The following PXDNL variants were observed in gnomAD, a reference collection of about 807,000 sequenced individuals.
PXDNL encodes probable oxidoreductase PXDNL.
PXDNL carries 145 observed loss-of-function variants against 150.8 expected under a neutral mutation model. The ratio of observed to expected loss-of-function variants is 0.96; its 90% confidence interval spans 0.84 to 1.10. PXDNL has a LOEUF of 1.10. Among genes scored for constraint, PXDNL ranks in the 50% least tolerant of loss-of-function variants. The probability of loss-of-function intolerance (pLI) is 0.00; values close to 1 mark genes in which losing one functional copy is unlikely to be tolerated. For missense variants in PXDNL, 2,087 were observed against 1,873.9 expected (o/e 1.11, Z -2.10); for synonymous variants, 757 against 725.7 (o/e 1.04, Z -0.69).
chr8:51,511,392 C>A (rs1255711998), intron 4 of PXDNL, among the ~76,000 whole-genome samples: 1 of 152,142 alleles, frequency 6.6e-6, no homozygotes, highest in Non-Finnish European at 1.5e-5. Flanking sequence ...ATACAGCATA[C>A]AATAGAGCAA....
intron 1 of PXDNL, among the ~76,000 whole-genome samples, chr8:51,740,920 C>G (rs1238113614): frequency 6.6e-6 from 1 of 152,064 alleles, no homozygotes; most frequent in African/African-American, 2.4e-5. Flanking sequence ...CCTGAAGTTT[C>G]CTTCTTTTGT....
intron 1 of PXDNL, among the ~76,000 whole-genome samples, chr8:51,772,057 C>A (rs2037301836): frequency 6.6e-6 from 1 of 151,998 alleles, no homozygotes; most frequent in South Asian, 2.1e-4. Flanking sequence ...TCCTCCATGC[C>A]CACACCACCC....
At chr8:51,732,176 G>T (rs1187318429) in intron 1 of PXDNL, among the ~76,000 whole-genome samples, 5 of 152,110 alleles carry the variant, frequency 3.3e-5, no homozygotes, top group African/African-American at 9.7e-5. Flanking sequence ...AAAACCAAAT[G>T]CTTTTAACAG....
chr8:51,625,625 A>C (rs1814347087), intron 2 of PXDNL, among the ~76,000 whole-genome samples: 1 of 152,210 alleles, frequency 6.6e-6, no homozygotes, highest in Non-Finnish European at 1.5e-5. Context: ...AAAAGTAAAA[A>C]TTTTGATCAG....
chr8:51,609,673 TGGGAAGA>T (rs1813953173), intron 2 of PXDNL, among the ~76,000 whole-genome samples: 4 of 151,972 alleles, frequency 2.6e-5, no homozygotes, highest in African/African-American at 9.7e-5. Context: ...AAGAATAACA[TGGGAAGA>T]AATGGGAAAT....
At chr8:51,423,509 G>C in intron 14 of PXDNL, 66 bp downstream of exon 14, 1 of 1,384,132 alleles carries the variant, frequency 7.2e-7, no homozygotes, top group Non-Finnish European at 1.0e-6. Context: ...CAGTCAAATA[G>C]GATTGGGGTA....
chr8:51,438,503 C>A (rs529345331), intron 12 of PXDNL, among the ~76,000 whole-genome samples: 1 of 152,208 alleles, frequency 6.6e-6, no homozygotes, highest in Non-Finnish European at 1.5e-5. Context: ...ATCATGAGGT[C>A]AGGAGATCGA....
chr8:51,431,650 T>A (rs1311046445), intron 12 of PXDNL, among the ~76,000 whole-genome samples: 1 of 152,156 alleles, frequency 6.6e-6, no homozygotes, highest in Non-Finnish European at 1.5e-5. Flanking sequence ...CGCTCATAGC[T>A]TTTTCTTCTC....
At chr8:51,568,099 C>T (rs901857401) in intron 3 of PXDNL, among the ~76,000 whole-genome samples, 2 of 151,618 alleles carry the variant, frequency 1.3e-5, no homozygotes, top group Non-Finnish European at 2.9e-5. Flanking sequence ...CATAAGCTAC[C>T]AAATTTATTG....
At chr8:51,778,531 C>T (rs2129247329) in intron 1 of PXDNL, among the ~76,000 whole-genome samples, 1 of 152,266 alleles carries the variant, frequency 6.6e-6, no homozygotes, top group South Asian at 2.1e-4. Context: ...ATCAGGAGCT[C>T]TTGAGGGATG....
intron 1 of PXDNL, among the ~76,000 whole-genome samples, chr8:51,743,212 C>A (rs182755790): frequency 6.6e-6 from 1 of 151,748 alleles, no homozygotes; most frequent in African/African-American, 2.4e-5. Flanking sequence ...TTTTAATAAT[C>A]CCTACTTTTG....
At chr8:51,670,892 G>A (rs1815486089) in intron 1 of PXDNL, among the ~76,000 whole-genome samples, 1 of 152,186 alleles carries the variant, frequency 6.6e-6, no homozygotes, top group African/African-American at 2.4e-5. Context: ...CCATTAGTCT[G>A]TATTAGCTTA....
chr8:51,434,828 A>G (rs1006454222), intron 12 of PXDNL, among the ~76,000 whole-genome samples: 1 of 152,224 alleles, frequency 6.6e-6, no homozygotes, highest in Admixed American at 6.5e-5. Context: ...TAGACACAAT[A>G]TATCTTGATT....
intron 1 of PXDNL, among the ~76,000 whole-genome samples, chr8:51,760,034 C>T (rs2130994467): frequency 6.6e-6 from 1 of 152,290 alleles, no homozygotes; most frequent in Non-Finnish European, 1.5e-5. Context: ...AACTCGAATT[C>T]CCTAATAATT....
chr8:51,428,825 A>C (rs1271639096), intron 12 of PXDNL, among the ~76,000 whole-genome samples: 5 of 151,210 alleles, frequency 3.3e-5, no homozygotes, highest in Non-Finnish European at 5.9e-5. Flanking sequence ...TGATCTATTA[A>C]AGAAAAAAAA....
chr8:51,752,252 G>T (rs1254396152), intron 1 of PXDNL, among the ~76,000 whole-genome samples: 2 of 152,176 alleles, frequency 1.3e-5, no homozygotes, highest in African/African-American at 4.8e-5. Context: ...AATCACGGAG[G>T]TTTGGGGAGC....
intron 5 of PXDNL, among the ~76,000 whole-genome samples, chr8:51,489,155 A>G (rs1810836170): frequency 6.6e-6 from 1 of 152,254 alleles, no homozygotes; most frequent in Admixed American, 6.5e-5. Context: ...CAATTAAGGT[A>G]TCTCTAGAAG....
intron 3 of PXDNL, among the ~76,000 whole-genome samples, chr8:51,589,229 G>T (rs2130648443): frequency 6.6e-6 from 1 of 152,262 alleles, no homozygotes; most frequent in South Asian, 2.1e-4. Flanking sequence ...TTCCCAGTCT[G>T]TAGTGTTCTC....
intron 21 of PXDNL, among the ~76,000 whole-genome samples, chr8:51,322,357 G>C (rs1805349950): frequency 1.3e-5 from 2 of 152,046 alleles, no homozygotes; most frequent in Admixed American, 6.6e-5. Flanking sequence ...TAAAGCATGG[G>C]TACCAGAAAC....
Sources: allele counts gnomAD v4.1 joint callset (sites outside exome capture counted in the v4.1 genomes callset), GRCh38; gene constraint gnomAD v4.1.1; transcripts MANE v1.5; gene names NCBI Gene and HGNC (gene_info 2026-07-23, HGNC 2026-07-21).